ZNF536: variants seen among roughly 807,000 people sequenced by gnomAD.
The protein encoded by ZNF536 is zinc finger protein 536.
In ZNF536, 13 loss-of-function variants were observed where a neutral mutation model predicts 84.5. That is an observed-to-expected ratio of 0.15 (90% CI 0.10 to 0.24). The LOEUF (loss-of-function observed/expected upper bound fraction) is 0.24, where lower values mean the gene tolerates loss of function less well. Ranked by LOEUF, ZNF536 falls within the 10% of genes least tolerant of loss-of-function variation. ZNF536 has a pLI of 1.00. For synonymous variants in ZNF536, 811 were observed against 742.5 expected (o/e 1.09, Z -1.50); for missense variants, 1,536 against 1,747.5 (o/e 0.88, Z 2.16).
intron 1 of ZNF536, among the ~76,000 whole-genome samples, chr19:30,245,753 C>T (rs1056386705): frequency 2.0e-5 from 3 of 152,248 alleles, no homozygotes; most frequent in Non-Finnish European, 2.9e-5. Flanking sequence ...ATGATAGGGA[C>T]AGGCTTAATC....
intron 1 of ZNF536, among the ~76,000 whole-genome samples, chr19:30,266,703 A>G (rs544617435): frequency 1.3e-5 from 2 of 152,236 alleles, no homozygotes; most frequent in African/African-American, 4.8e-5. Context: ...TAAACTTCAT[A>G]TATCAAGCAT....
At chr19:30,305,223 G>C (rs1360950148) in intron 2 of ZNF536, among the ~76,000 whole-genome samples, 1 of 152,170 alleles carries the variant, frequency 6.6e-6, no homozygotes, top group Non-Finnish European at 1.5e-5. Context: ...TAGAGTTTGG[G>C]CTAGGGGATC....
intron 1 of ZNF536, among the ~76,000 whole-genome samples, chr19:30,601,448 G>A (rs1013238522): frequency 6.6e-6 from 1 of 152,162 alleles, no homozygotes; most frequent in East Asian, 1.9e-4. Flanking sequence ...GCCCCTGATG[G>A]GGGAGCCTGT....
chr19:30,399,196 T>C (rs1219881658), intron 1 of ZNF536, among the ~76,000 whole-genome samples: 1 of 152,250 alleles, frequency 6.6e-6, no homozygotes, highest in Admixed American at 6.5e-5. Context: ...CATATGTTTG[T>C]CAGCTGCATA....
chr19:30,681,301 C>T (rs561594518), intron 1 of ZNF536, among the ~76,000 whole-genome samples: 97 of 152,262 alleles, frequency 6.4e-4, no homozygotes, highest in African/African-American at 2.3e-3. Flanking sequence ...GAGCGCCAGG[C>T]CTGTGCAAGG....
downstream of ZNF536, among the ~76,000 whole-genome samples, chr19:30,559,782 G>A (rs887574347): frequency 6.6e-5 from 10 of 152,150 alleles, no homozygotes; most frequent in Admixed American, 3.9e-4. Flanking sequence ...CCCTGGAGCC[G>A]TGTATTCAGG....
intron 1 of ZNF536, among the ~76,000 whole-genome samples, chr19:30,686,284 T>C (rs183514154): frequency 3.3e-4 from 50 of 152,198 alleles, no homozygotes; most frequent in Non-Finnish European, 5.9e-4. Context: ...ACTTTTTTTT[T>C]TCTTTTGCAA....
chr19:30,630,863 A>C (rs965322799), intron 1 of ZNF536, among the ~76,000 whole-genome samples: 54 of 152,302 alleles, frequency 3.5e-4, no homozygotes, highest in South Asian at 1.0e-3. Context: ...CGTGAATCAC[A>C]TTTATTGAGA....
chr19:30,581,586 G>A (rs2075361408), intron 1 of ZNF536, among the ~76,000 whole-genome samples: 1 of 152,174 alleles, frequency 6.6e-6, no homozygotes, highest in South Asian at 2.1e-4. Context: ...ATCAGCTGAT[G>A]GCTGTGTCCT....
At chr19:30,490,970 C>A (rs1031816924) in intron 2 of ZNF536, among the ~76,000 whole-genome samples, 1 of 152,042 alleles carries the variant, frequency 6.6e-6, no homozygotes, top group South Asian at 2.1e-4. Flanking sequence ...CAGGAGTGGG[C>A]AGGCACTGAG....
At chr19:30,284,033 T>C (rs2045546288) in intron 1 of ZNF536, 1 of 152,244 alleles carries the variant, frequency 6.6e-6, no homozygotes, top group Non-Finnish European at 1.5e-5. Context: ...AGTCGACTTA[T>C]GTGACATTTA....
Position 30,383,648 on chromosome 19 carries a change from TTCTTTCTC to T in ZNF536, c.-3+11102_-3+11109del, listed in dbSNP as rs1329641991. Among the ~76,000 whole-genome samples, 12 of 23,764 alleles carry T rather than the reference TTCTTTCTC, an allele frequency of 5.0e-4. 1 individual carries two copies. The highest frequency in any genetic ancestry group is 1.5e-3 in the South Asian group (2 of 1,296). 15.6% of individuals were successfully genotyped at this position (23,764 alleles called of 152,430 possible). A position where few individuals can be genotyped will look rare whatever the true frequency, so the allele number is the denominator to read the frequency against. ...TTTCTTTCTTCCTTTCTTCCTTCCT[TTCTTTCTC>T]TCTTTCTCTTTCTTTCTTCCTTTCT... On this transcript the variant is annotated intron_variant, in intron 1 of 4. Coordinates refer to ENST00000355537, the MANE Select transcript of ZNF536 (RefSeq NM_014717.3).
At chr19:30,703,650 G>C (rs1416340700) in intron 1 of ZNF536, among the ~76,000 whole-genome samples, 1 of 152,170 alleles carries the variant, frequency 6.6e-6, no homozygotes, top group African/African-American at 2.4e-5. Context: ...AGTGGCACAG[G>C]AAGCACTTGC....
At chr19:30,255,442 C>A (rs1217072502) in intron 1 of ZNF536, among the ~76,000 whole-genome samples, 1 of 151,910 alleles carries the variant, frequency 6.6e-6, no homozygotes, top group Non-Finnish European at 1.5e-5. Flanking sequence ...CTAAAGAACA[C>A]GGGTTCGGGT....
intron 3 of ZNF536, among the ~76,000 whole-genome samples, chr19:30,546,959 G>C (rs564286178): frequency 6.6e-6 from 1 of 151,852 alleles, no homozygotes; most frequent in Admixed American, 6.6e-5. Flanking sequence ...TTTTTCCACC[G>C]TGGAAAGAAC....
At chr19:30,634,028 C>G (rs2147265391) in intron 1 of ZNF536, among the ~76,000 whole-genome samples, 1 of 152,232 alleles carries the variant, frequency 6.6e-6, no homozygotes, top group East Asian at 1.9e-4. Context: ...TGACACTGCC[C>G]CTGCCCCCAC....
chr19:30,672,081 G>A (rs1012746658), intron 1 of ZNF536, among the ~76,000 whole-genome samples: 7 of 152,220 alleles, frequency 4.6e-5, no homozygotes, highest in African/African-American at 1.2e-4. Flanking sequence ...CCATCTCAAC[G>A]TTTCTTTTTC....
At chr19:30,465,359 C>T (rs1228384550) in intron 2 of ZNF536, among the ~76,000 whole-genome samples, 3 of 152,196 alleles carry the variant, frequency 2.0e-5, no homozygotes, top group Non-Finnish European at 4.4e-5. Flanking sequence ...CAGTCACCCC[C>T]TGAAGATGTT....
At chr19:30,240,817 C>T (rs556813660) in intron 1 of ZNF536, among the ~76,000 whole-genome samples, 32 of 152,142 alleles carry the variant, frequency 2.1e-4, no homozygotes, top group Admixed American at 6.5e-4. Flanking sequence ...GTTTGGTGGA[C>T]GGAACAGCAA....
Sources: gnomAD v4.1 joint callset for allele counts (sites outside exome capture counted in the v4.1 genomes callset) on GRCh38, gnomAD v4.1.1 for gene constraint, MANE v1.5 for transcripts, NCBI Gene and HGNC (gene_info 2026-07-23, HGNC 2026-07-21) for gene names.